The following CIB4 variants were observed in gnomAD, a reference collection of about 807,000 sequenced individuals.
The protein encoded by CIB4 is calcium and integrin-binding family member 4.
A neutral mutation model predicts 25.8 loss-of-function variants in CIB4; 25 were observed. That is an observed-to-expected ratio of 0.97 (90% CI 0.71 to 1.35). The LOEUF is 1.35. Among genes scored for constraint, CIB4 ranks in the 40% most tolerant of loss-of-function variants. CIB4 has a pLI of 0.00. For synonymous variants in CIB4, 75 were observed against 81.4 expected (o/e 0.92, Z 0.42); for missense variants, 235 against 228.2 (o/e 1.03, Z -0.19).
At chr2:26,617,022 ACTCCCAGC>A (rs1221139131) in intron 3 of CIB4, among the ~76,000 whole-genome samples, 1 of 151,890 alleles carries the variant, frequency 6.6e-6, no homozygotes, top group Non-Finnish European at 1.5e-5. Context: ...ACACATGGTC[ACTCCCAGC>A]CTCCCCCACT....
At chr2:26,634,369 C>T (rs1283712901) in intron 2 of CIB4, among the ~76,000 whole-genome samples, 3 of 152,202 alleles carry the variant, frequency 2.0e-5, no homozygotes, top group Non-Finnish European at 4.4e-5. Flanking sequence ...TACTTGCAAT[C>T]TGTGTGGGCT....
intron 2 of CIB4, among the ~76,000 whole-genome samples, chr2:26,633,866 C>T (rs1669482009): frequency 6.6e-6 from 1 of 152,144 alleles, no homozygotes; most frequent in South Asian, 2.1e-4. Context: ...GTCCGTGGGA[C>T]CTTGGACTCG....
intron 4 of CIB4, among the ~76,000 whole-genome samples, chr2:26,590,526 A>G (rs1000818759): frequency 6.6e-6 from 1 of 152,042 alleles, no homozygotes; most frequent in African/African-American, 2.4e-5. Flanking sequence ...CGGAATCATC[A>G]CCATGACAGT....
At chr2:26,638,985 G>T (rs1440372250) in intron 2 of CIB4, among the ~76,000 whole-genome samples, 1 of 151,574 alleles carries the variant, frequency 6.6e-6, no homozygotes, top group Non-Finnish European at 1.5e-5. Flanking sequence ...AAAAAAAAAG[G>T]TACAGAACAG....
At chr2:26,610,206 C>T (rs1668972790) in intron 3 of CIB4, among the ~76,000 whole-genome samples, 1 of 151,892 alleles carries the variant, frequency 6.6e-6, no homozygotes, top group Non-Finnish European at 1.5e-5. Context: ...ACCATGTTCC[C>T]TGTGAACTCT....
rs75232421 is a variant in CIB4, at chr2:26,614,526, C to T, written c.186+14884G>A. On this transcript the variant is annotated intron_variant, in intron 3 of 6. Coordinates refer to ENST00000288861, the MANE Select transcript of CIB4 (RefSeq NM_001029881.3). ...TCACTTCTCACCTCAGACACATGAA[C>T]AGTTTTCCCAGGAGGCAGAGTCTGG... Among the ~76,000 whole-genome samples, 553 of 152,338 alleles carry T rather than the reference C, an allele frequency of 3.6e-3. 22 individuals are homozygous for T. In the East Asian group the frequency reaches 0.079, roughly 22 times the overall value.
At chr2:26,626,997 A>G (rs1317974596) in intron 3 of CIB4, among the ~76,000 whole-genome samples, 4 of 152,190 alleles carry the variant, frequency 2.6e-5, no homozygotes, top group Non-Finnish European at 5.9e-5. Flanking sequence ...AAGGAGTGTG[A>G]TAGCTCCAGG....
intron 3 of CIB4, among the ~76,000 whole-genome samples, chr2:26,614,283 T>C (rs752705139): frequency 1.1e-4 from 17 of 152,078 alleles, no homozygotes; most frequent in Non-Finnish European, 4.4e-5. Context: ...AAAGCTGAAA[T>C]GGAGTTTGTT....
chr2:26,589,078 T>TCC (rs1668525529), intron 4 of CIB4, among the ~76,000 whole-genome samples: 1 of 32,538 alleles, frequency 3.1e-5, no homozygotes, highest in African/African-American at 1.4e-4. Flanking sequence ...CTTCCTCTTC[T>TCC]TCTTCTTCTT....
At chr2:26,604,172 G>C (rs958006734) in intron 3 of CIB4, among the ~76,000 whole-genome samples, 1 of 152,116 alleles carries the variant, frequency 6.6e-6, no homozygotes, top group Non-Finnish European at 1.5e-5. Flanking sequence ...TTGAGCCCAG[G>C]AGTTCGAGAC....
chr2:26,595,892 TGC>T (rs78591916), intron 3 of CIB4, among the ~76,000 whole-genome samples: 5,934 of 44,634 alleles, frequency 0.13, 133 homozygotes, highest in Middle Eastern at 0.21. Context: ...ATGACTTATC[TGC>T]GCGCACACAC....
chr2:26,609,756 T>C (rs578047013), intron 3 of CIB4, among the ~76,000 whole-genome samples: 94 of 152,348 alleles, frequency 6.2e-4, no homozygotes, highest in Admixed American at 1.6e-3. Flanking sequence ...ATTTTAATGC[T>C]GTTGTACTAT....
chr2:26,636,655 A>G (rs1353922662), intron 2 of CIB4, among the ~76,000 whole-genome samples: 1 of 152,144 alleles, frequency 6.6e-6, no homozygotes, highest in Non-Finnish European at 1.5e-5. Flanking sequence ...AATGAAGCAC[A>G]TCTCCCAAAA....
intron 6 of CIB4, among the ~76,000 whole-genome samples, chr2:26,581,701 G>A (rs888354617): frequency 3.3e-5 from 5 of 152,232 alleles, no homozygotes; most frequent in South Asian, 2.1e-4. Flanking sequence ...TATGTGCTGG[G>A]CTGTGACAGA....
At chr2:26,608,886 T>TCTTG (rs1190885646) in intron 3 of CIB4, among the ~76,000 whole-genome samples, 1 of 151,958 alleles carries the variant, frequency 6.6e-6, no homozygotes, top group Non-Finnish European at 1.5e-5. Context: ...CCTCTCCCTC[T>TCTTG]CTTGCTCTCT....
At chr2:26,634,613 C>T (rs1038500604) in intron 2 of CIB4, among the ~76,000 whole-genome samples, 4 of 152,204 alleles carry the variant, frequency 2.6e-5, no homozygotes, top group Admixed American at 2.0e-4. Context: ...GAGGGTAAGA[C>T]ACTCCCCCGT....
At chr2:26,616,728 C>T (rs960984209) in intron 3 of CIB4, among the ~76,000 whole-genome samples, 2 of 152,248 alleles carry the variant, frequency 1.3e-5, no homozygotes, top group African/African-American at 2.4e-5. Flanking sequence ...CCTTCCCATC[C>T]TCCTTCCTCC....
At position 26,610,415 on chromosome 2, in the gene CIB4, G is replaced by A. The variant is rs1442349724; in HGVS notation, c.187-15098C>T. The stretch of plus-strand genomic sequence containing the variant: ...CACGCTCAGTGACTCTTTAAACAAC[G>A]GAGTCTAAACCTAAGCAACTCAAAG... On this transcript the variant is annotated intron_variant, in intron 3 of 6. Transcript: ENST00000288861. Among the ~76,000 whole-genome samples the A allele has an allele frequency of 3.9e-5, 6 of 152,110 alleles. No homozygotes were observed. In the South Asian group the frequency reaches 6.2e-4, roughly 16 times the overall value.
At chr2:26,636,741 T>A (rs2148228594) in intron 2 of CIB4, among the ~76,000 whole-genome samples, 1 of 152,372 alleles carries the variant, frequency 6.6e-6, no homozygotes, top group East Asian at 1.9e-4. Context: ...CTGCCCTGAC[T>A]CTTGATTAAT....
Sources: allele counts gnomAD v4.1 joint callset (sites outside exome capture counted in the v4.1 genomes callset), GRCh38; gene constraint gnomAD v4.1.1; transcripts MANE v1.5; gene names NCBI Gene and HGNC (gene_info 2026-07-23, HGNC 2026-07-21).